ACOT1: variants seen among roughly 807,000 people sequenced by gnomAD.
ACOT1 encodes the protein acyl-coenzyme A thioesterase 1.
A neutral mutation model predicts 15.7 loss-of-function variants in ACOT1; 8 were observed. The ratio of observed to expected loss-of-function variants is 0.51; its 90% CI spans 0.30 to 0.92. The LOEUF (loss-of-function observed/expected upper bound fraction) is 0.92. Among genes scored for constraint, ACOT1 ranks in the 40% least tolerant of loss-of-function variants. The pLI, the probability that ACOT1 is intolerant of heterozygous loss-of-function variation, is 0.06. For synonymous variants in ACOT1, 67 were observed against 241.2 expected (o/e 0.28, Z 6.69); for missense variants, 151 against 539.4 (o/e 0.28, Z 7.13).
the ACOT1 span, chr14:73,498,015 G>A: frequency 2.9e-6 from 2 of 695,524 alleles, no homozygotes; most frequent in Non-Finnish European, 4.8e-6. Flanking sequence ...TTACCTACTT[G>A]GGTGAGTGGT....
At chr14:73,491,352 C>G in the ACOT1 span, 1 of 1,434,646 alleles carries the variant, frequency 7.0e-7, no homozygotes, top group Non-Finnish European at 9.1e-7. Context: ...TCGCCCGCCG[C>G]GCGCTCCCTG....
At chr14:73,531,423 CTT>C in the ACOT1 span, among the ~76,000 whole-genome samples, 18 of 93,530 alleles carry the variant, frequency 1.9e-4, no homozygotes, top group Admixed American at 2.5e-4. Flanking sequence ...AGTTTTTCGT[CTT>C]TTTTTTTTTT....
upstream of ACOT1, among the ~76,000 whole-genome samples, chr14:73,532,647 G>A (rs536942389): frequency 4.3e-5 from 5 of 115,388 alleles, 2 homozygotes; most frequent in South Asian, 8.2e-4. Flanking sequence ...GAGAGGGTAC[G>A]TTTTTGGTAT....
chr14:73,509,942 C>T, the ACOT1 span, among the ~76,000 whole-genome samples: 1 of 147,450 alleles, frequency 6.8e-6, no homozygotes, highest in Non-Finnish European at 1.5e-5. Context: ...GGTGTGATCT[C>T]AGCTCACTGC....
chr14:73,508,377 T>C, the ACOT1 span: 2 of 1,196,488 alleles, frequency 1.7e-6, no homozygotes, highest in Non-Finnish European at 2.4e-6. Context: ...TACCCAAGGC[T>C]GCTACCCCAC....
At chr14:73,542,954 G>C in intron 2 of ACOT1, 96 bp from the exon 3 acceptor site, 1 of 1,168,628 alleles carries the variant, frequency 8.6e-7, no homozygotes, top group Non-Finnish European at 1.1e-6. Flanking sequence ...CCCAGATTCA[G>C]ACTCAGGTTC....
At chr14:73,510,188 T>C in the ACOT1 span, among the ~76,000 whole-genome samples, 3 of 151,916 alleles carry the variant, frequency 2.0e-5, no homozygotes, top group South Asian at 6.2e-4. Flanking sequence ...AGAACAATTA[T>C]ATTTAGGTAG....
the ACOT1 span, chr14:73,491,431 G>A: frequency 6.7e-6 from 9 of 1,349,586 alleles, no homozygotes; most frequent in East Asian, 1.8e-4. Flanking sequence ...TGCCCGCCGC[G>A]CCGGTCCGGG....
At chr14:73,506,651 G>T in the ACOT1 span, 1 of 1,074,908 alleles carries the variant, frequency 9.3e-7, no homozygotes, top group Non-Finnish European at 1.4e-6. Context: ...TTCTGAAATG[G>T]CATCCTGCAT....
At chr14:73,521,090 T>G in the ACOT1 span, 6 of 1,473,698 alleles carry the variant, frequency 4.1e-6, no homozygotes, top group Non-Finnish European at 5.6e-6. Context: ...AGGAGGTGGA[T>G]CCCCCTTTCC....
the ACOT1 span, among the ~76,000 whole-genome samples, chr14:73,501,824 G>A: frequency 7.5e-4 from 114 of 151,550 alleles, no homozygotes; most frequent in Non-Finnish European, 1.4e-3. Context: ...CGTGATCTCC[G>A]CTCACTGCAA....
the ACOT1 span, chr14:73,498,047 C>T: frequency 9.7e-7 from 1 of 1,026,140 alleles, no homozygotes. Context: ...TGAACCAGTG[C>T]TTTTACTGCC....
the ACOT1 span, chr14:73,500,751 T>G: frequency 6.2e-7 from 1 of 1,605,548 alleles, no homozygotes; most frequent in Non-Finnish European, 8.5e-7. Context: ...CAAGTTGCTT[T>G]CCTTTCACCT....
chr14:73,504,204 A>G, the ACOT1 span, among the ~76,000 whole-genome samples: 1 of 147,906 alleles, frequency 6.8e-6, no homozygotes. Context: ...GAGCCTCCTG[A>G]GTAGCTGGGA....
the ACOT1 span, among the ~76,000 whole-genome samples, chr14:73,528,413 AACTT>A: frequency 6.6e-6 from 1 of 151,074 alleles, no homozygotes; most frequent in Admixed American, 6.6e-5. Flanking sequence ...AAAAAAAAAA[AACTT>A]AAGGAATAGT....
At chr14:73,499,109 C>T in the ACOT1 span, 565 of 1,614,194 alleles carry the variant, frequency 3.5e-4, 6 homozygotes, top group East Asian at 0.011. Flanking sequence ...GTAAGGATCT[C>T]TCTGCATCAG....
At position 73,537,827 on chromosome 14, in the gene ACOT1, C is replaced by G. The variant is rs775151108; in HGVS notation, c.406C>G (p.Arg136Gly). The part of the protein sequence containing the change: ...ERYFLPPGVR[R>G]EPVRAGRVRG... ...CTACTTCCTCCCGCCCGGGGTGCGG[C>G]GCGAGCCGGTGCGCGCGGGCCGGGT... Residue 136 changes from arginine to glycine, a missense_variant, in exon 1 of 3, where the codon CGC (arginine) becomes GGC (glycine). By Grantham distance (125) the Arg-to-Gly change is moderately radical. Coordinates refer to ENST00000311148, the MANE Select transcript of ACOT1 (RefSeq NM_001037161.2). The G allele has an allele frequency of 2.5e-6, 3 of 1,207,044 alleles. 1 individual carries two copies. The highest frequency in any genetic ancestry group is 3.3e-6 in the Non-Finnish European group (3 of 922,392). 74.8% of individuals were successfully genotyped at this position (1,207,044 alleles called of 1,614,324 possible).
the ACOT1 span, among the ~76,000 whole-genome samples, chr14:73,528,254 G>C: frequency 6.6e-6 from 1 of 151,852 alleles, no homozygotes; most frequent in Middle Eastern, 3.2e-3. Flanking sequence ...AAATTAGCGG[G>C]TGTGGTGGTG....
the ACOT1 span, chr14:73,520,862 C>G: frequency 6.2e-6 from 10 of 1,613,770 alleles, no homozygotes; most frequent in East Asian, 2.0e-4. Context: ...CAAAGTAAAT[C>G]TCCTGTTCAA....
Sources: gnomAD v4.1 joint callset for allele counts (sites outside exome capture counted in the v4.1 genomes callset) on GRCh38, gnomAD v4.1.1 for gene constraint, MANE v1.5 for transcripts, NCBI Gene and HGNC (gene_info 2026-07-23, HGNC 2026-07-21) for gene names.